Variants in MED28 observed in about 807,000 individuals in gnomAD.
MED28 encodes mediator of RNA polymerase II transcription subunit 28.
Under a neutral mutation model 21.3 loss-of-function variants are expected in MED28, and 26 were observed. The ratio of observed to expected loss-of-function variants is 1.22; its 90% CI spans 0.89 to 1.69. The LOEUF is 1.69. Ranked by LOEUF, MED28 falls within the 40% of genes most tolerant of loss-of-function variation. The probability of loss-of-function intolerance (pLI) is 0.00; values close to 1 mark genes in which losing one functional copy is unlikely to be tolerated. For synonymous variants in MED28, 110 were observed against 87.6 expected (o/e 1.26, Z -1.43); for missense variants, 257 against 215.4 (o/e 1.19, Z -1.21).
rs1025289958 is a variant in MED28 at position 17,633,921 on chromosome 4, C to G, written c.*10123C>G. The G allele has an allele frequency of 8.1e-6, 11 of 1,350,744 alleles. No homozygotes were observed. In the African/African-American group the frequency reaches 1.5e-4, roughly 19 times the overall value. 83.7% of individuals were successfully genotyped at this position (1,350,744 alleles called of 1,614,324 possible). ...TATTAATGGACAGGTTAGTGCAATGCAATGCAAAAAACAAAATAAAGCATT... is the reference window on the plus strand; with the variant it reads ...TATTAATGGACAGGTTAGTGCAATGGAATGCAAAAAACAAAATAAAGCATT... On this transcript the variant is annotated 3_prime_UTR_variant, in exon 4 of 4. Transcript: ENST00000237380.
chr4:17,621,795 G>GGC, intron 3 of MED28, 96 bp downstream of exon 3: 1 of 832,698 alleles, frequency 1.2e-6, no homozygotes. Flanking sequence ...TTTCCTGCGA[G>GGC]TTTCATTCAG....
rs2108920488 is a variant in MED28 at position 17,627,384 on chromosome 4, C to G, written c.*3586C>G. 6.6e-6 allele frequency: 1 copy of G among 152,634 alleles called. No homozygotes were observed. The highest frequency in any genetic ancestry group is 1.9e-4 in the East Asian group (1 of 5,202). The allele number at this position is 152,634 out of a possible 1,614,324, so 9.5% of individuals were successfully genotyped here. ...AGATTACAGGCATGAGCCACCGTGC[C>G]CAGCCCATCTTCATCTTCTTTACTT... is the stretch of plus-strand genomic sequence containing the variant. On this transcript the variant is annotated 3_prime_UTR_variant, in exon 4 of 4. Transcript: ENST00000237380.
chr4:17,633,692 G>C lies in MED28; in HGVS notation c.*9894G>C. ...CTGTCCCCAACATCCCCCAAACCTT[G>C]TGGCAGTTTTTGCATCTGTAGACTG... On this transcript the variant is annotated 3_prime_UTR_variant, in exon 4 of 4. Coordinates refer to ENST00000237380, the MANE Select transcript of MED28 (RefSeq NM_025205.5). 1 of 1,530,424 alleles carries C rather than the reference G, an allele frequency of 6.5e-7. No homozygotes were observed. Among genetic ancestry groups the C allele is most frequent in the Non-Finnish European group, 8.8e-7 (1 of 1,135,840 alleles). 94.8% of individuals were successfully genotyped at this position (1,530,424 alleles called of 1,614,324 possible). A position where few individuals can be genotyped will look rare whatever the true frequency, so the allele number is the denominator to read the frequency against.
At chr4:17,622,191 C>G (rs754097186) in intron 3 of MED28, among the ~76,000 whole-genome samples, 4 of 152,144 alleles carry the variant, frequency 2.6e-5, no homozygotes, top group Non-Finnish European at 5.9e-5. Context: ...GCCACGATGA[C>G]TTGGGAAGCT....
rs931922832 is a variant in MED28, at chr4:17,625,337, A to C, written c.*1539A>C. 4.4e-5 allele frequency: 8 copies of C among 179,776 alleles called. No homozygotes were observed. The highest frequency in any genetic ancestry group is 1.9e-4 in the African/African-American group (8 of 41,862). The allele number at this position is 179,776 out of a possible 1,614,324, so 11.1% of individuals were successfully genotyped here. A position where few individuals can be genotyped will look rare whatever the true frequency, so the allele number is the denominator to read the frequency against. On this transcript the variant is annotated 3_prime_UTR_variant, in exon 4 of 4. Coordinates refer to ENST00000237380, the MANE Select transcript of MED28 (RefSeq NM_025205.5). ...TCTGATTACCAGCCTGACATCAACA[A>C]ATCCCCTCAGTTACAACGTATAGGT...
intron 1 of MED28, among the ~76,000 whole-genome samples, chr4:17,615,850 C>T (rs6852019): frequency 0.98 from 149,816 of 152,338 alleles, 73,707 homozygotes; most frequent in East Asian, 1. Flanking sequence ...AAAATCCCAA[C>T]TTTGTGACTT....
At position 17,629,722 on chromosome 4, in the gene MED28, C is replaced by G. The variant is rs1470570696; in HGVS notation, c.*5924C>G. On this transcript the variant is annotated 3_prime_UTR_variant, in exon 4 of 4. Coordinates refer to ENST00000237380, the MANE Select transcript of MED28 (RefSeq NM_025205.5). ...CACCTCTACGCCATCACTGTCATCT[C>G]TAGACCGCTCTGCTGTTGAGAGATT... 1.3e-5 allele frequency: 2 copies of G among 152,180 alleles called. No homozygotes were observed. Among genetic ancestry groups the G allele is most frequent in the South Asian group, 2.1e-4 (1 of 4,838 alleles). 9.4% of individuals were successfully genotyped at this position (152,180 alleles called of 1,614,324 possible). A position where few individuals can be genotyped will look rare whatever the true frequency, so the allele number is the denominator to read the frequency against.
rs565032163 is a variant in MED28, at chr4:17,633,646, A to G, written c.*9848A>G. On this transcript the variant is annotated 3_prime_UTR_variant, in exon 4 of 4. Transcript: ENST00000237380. The stretch of plus-strand genomic sequence containing the variant: ...GAATCCTACTTCCCCTCTTATCTAC[A>G]GGGAAATAGAATAAGGGCCCCTGTC... 6.0e-5 allele frequency: 84 copies of G among 1,409,292 alleles called. No homozygotes were observed. The highest frequency in any genetic ancestry group is 7.5e-5 in the Non-Finnish European group (80 of 1,071,806). The allele number at this position is 1,409,292 out of a possible 1,614,324, so 87.3% of individuals were successfully genotyped here.
At chr4:17,616,201 C>A (rs959363125) in intron 1 of MED28, among the ~76,000 whole-genome samples, 1 of 152,134 alleles carries the variant, frequency 6.6e-6, no homozygotes, top group African/African-American at 2.4e-5. Flanking sequence ...GTGATCCACC[C>A]GCCTCGGCCT....
chr4:17,614,900 C>T (rs1714402349), intron 1 of MED28, 87 bp downstream of exon 1: 1 of 1,423,502 alleles, frequency 7.0e-7, no homozygotes. Context: ...CTCCAGGGAT[C>T]CGAGCAACTA....
chr4:17,620,048 A>G (rs1714573510), intron 2 of MED28, 81 bp downstream of exon 2: 4 of 1,250,942 alleles, frequency 3.2e-6, no homozygotes, highest in Admixed American at 1.7e-5. Flanking sequence ...CATGTGTTTC[A>G]GTCCTGCTTT....
intron 1 of MED28, 133 bp downstream of exon 1, chr4:17,614,946 C>G: frequency 1.7e-6 from 2 of 1,142,916 alleles, no homozygotes; most frequent in Non-Finnish European, 2.5e-6. Flanking sequence ...TAAAGTAAGT[C>G]ACTTGCTTTA....
At position 17,632,401 on chromosome 4, in the gene MED28, A is replaced by AT. The variant is rs949673366; in HGVS notation, c.*8606dup. On this transcript the variant is annotated 3_prime_UTR_variant, in exon 4 of 4. Coordinates refer to ENST00000237380, the MANE Select transcript of MED28 (RefSeq NM_025205.5). ...AACAGTATGAAGTGTTAACGCCAAAATTTGTTTTAGCTATCATATATAAAT... is the reference window on the plus strand; with the variant it reads ...AACAGTATGAAGTGTTAACGCCAAAATTTTGTTTTAGCTATCATATATAAAT... 2 of 723,826 alleles carry AT rather than the reference A, an allele frequency of 2.8e-6. No homozygotes were observed. The highest frequency in any genetic ancestry group is 4.4e-6 in the Non-Finnish European group (2 of 451,672). The allele number at this position is 723,826 out of a possible 1,614,324, so 44.8% of individuals were successfully genotyped here. A position where few individuals can be genotyped will look rare whatever the true frequency, so the allele number is the denominator to read the frequency against.
chr4:17,625,685 A>G lies in MED28; in HGVS notation c.*1887A>G, dbSNP rs897487408. On this transcript the variant is annotated 3_prime_UTR_variant, in exon 4 of 4. Transcript: ENST00000237380. The stretch of plus-strand genomic sequence containing the variant: ...CTTACTGGGTGATGAATAATCCTCT[A>G]AGAAACCCTCTGAGCTGCTAACTTT... 1.8e-5 allele frequency: 8 copies of G among 448,202 alleles called. No homozygotes were observed. The highest frequency in any genetic ancestry group is 3.1e-5 in the Non-Finnish European group (7 of 224,942). The allele number at this position is 448,202 out of a possible 1,614,324, so 27.8% of individuals were successfully genotyped here.
At chr4:17,620,033 T>C in intron 2 of MED28, 66 bp downstream of exon 2, 1 of 1,392,506 alleles carries the variant, frequency 7.2e-7, no homozygotes, top group South Asian at 1.2e-5. Context: ...GCTAATTTTA[T>C]ACTTCATGTG....
chr4:17,615,791 CAA>C (rs916627398), intron 1 of MED28, among the ~76,000 whole-genome samples: 3 of 152,088 alleles, frequency 2.0e-5, no homozygotes, highest in Admixed American at 6.5e-5. Flanking sequence ...GCGTGGGTGA[CAA>C]GAGCTCGACT....
chr4:17,623,545 A>G (rs1034633309), intron 3 of MED28, 56 bp from the exon 4 acceptor site: 2 of 1,555,306 alleles, frequency 1.3e-6, no homozygotes, highest in African/African-American at 2.7e-5. Context: ...ACTAACCAGA[A>G]CCGTATGTGT....
At position 17,633,956 on chromosome 4, in the gene MED28, G is replaced by T. The variant is rs1474169253; in HGVS notation, c.*10158G>T. 1.7e-6 allele frequency: 2 copies of T among 1,210,044 alleles called. No individual in the cohort carries two copies. The highest frequency in any genetic ancestry group is 2.2e-6 in the Non-Finnish European group (2 of 917,178). The allele number at this position is 1,210,044 out of a possible 1,614,324, so 75.0% of individuals were successfully genotyped here. A position where few individuals can be genotyped will look rare whatever the true frequency, so the allele number is the denominator to read the frequency against. On this transcript the variant is annotated 3_prime_UTR_variant, in exon 4 of 4. Transcript: ENST00000237380. ...AACAAAATAAAGCATTATTGTAAAAGCAAATAATGCTCACCCAATCAAAAT... is the reference window on the plus strand; with the variant it reads ...AACAAAATAAAGCATTATTGTAAAATCAAATAATGCTCACCCAATCAAAAT...
Position 17,623,781 on chromosome 4 carries a change from C to T in MED28, c.520C>T (p.Pro174Ser), listed in dbSNP as rs1452555994. Residue 174 changes from proline to serine, a missense_variant, in exon 4 of 4, where the codon CCT becomes TCT. Coordinates refer to ENST00000237380, the MANE Select transcript of MED28 (RefSeq NM_025205.5). ...LEQASANIPA[P>S]LKPT ...GCAGGCATCTGCCAACATCCCTGCA[C>T]CTCTGAAGCCAACGTGAGCAAAGGG... 1.9e-6 allele frequency: 3 copies of T among 1,613,896 alleles called. No individual in the cohort carries two copies. The highest frequency in any genetic ancestry group is 1.7e-6 in the Non-Finnish European group (2 of 1,179,900).
Sources: gnomAD v4.1 joint callset for allele counts (sites outside exome capture counted in the v4.1 genomes callset) on GRCh38, gnomAD v4.1.1 for gene constraint, MANE v1.5 for transcripts, NCBI Gene and HGNC (gene_info 2026-07-23, HGNC 2026-07-21) for gene names.